The following MSRA variants were observed in gnomAD, a reference collection of about 807,000 sequenced individuals.
MSRA encodes methionine sulfoxide reductase A, also known as mitochondrial peptide methionine sulfoxide reductase.
Under a neutral mutation model 31.3 loss-of-function variants are expected in MSRA, and 54 were observed. The ratio of observed to expected loss-of-function variants is 1.73; its 90% CI spans 1.39 to 2.17. The LOEUF is 2.17. Among genes scored for constraint, MSRA ranks in the 30% most tolerant of loss-of-function variants. The pLI is 0.00. For missense variants in MSRA, 507 were observed against 300.9 expected, an observed-to-expected ratio of 1.69 and a Z score of -5.07; for synonymous variants, 169 against 116.5, an observed-to-expected ratio of 1.45 and a Z score of -2.90.
chr8:10,364,085 A>G (rs1339633737), intron 5 of MSRA, among the ~76,000 whole-genome samples: 2 of 152,190 alleles, frequency 1.3e-5, no homozygotes, highest in Non-Finnish European at 2.9e-5. Context: ...GATTATTTAA[A>G]AACCTAGAGA....
chr8:10,100,968 C>T (rs1799493603), intron 1 of MSRA, among the ~76,000 whole-genome samples: 1 of 152,196 alleles, frequency 6.6e-6, no homozygotes, highest in South Asian at 2.1e-4. Flanking sequence ...ATTTATATCT[C>T]TTTTCCTATT....
rs537973144 is a variant in MSRA, at chr8:10,055,222, G to A, written c.142+564G>A. Among the ~76,000 whole-genome samples the A allele has an allele frequency of 2.5e-3, 378 of 152,302 alleles. 3 individuals carry two copies. The highest frequency in any genetic ancestry group is 7.9e-3 in the African/African-American group (330 of 41,560). The stretch of plus-strand genomic sequence containing the variant: ...CCTAGGTCGGCCCCGCTGTCCCCAG[G>A]GGCAGGGGCTGCCGTATGCTGGGTC... On this transcript the variant is annotated intron_variant, in intron 1 of 5. Transcript: ENST00000317173.
chr8:10,091,451 C>A (rs1440368478), intron 1 of MSRA, among the ~76,000 whole-genome samples: 1 of 152,100 alleles, frequency 6.6e-6, no homozygotes, highest in Admixed American at 6.5e-5. Context: ...TATATATTTT[C>A]CTCGTTTATC....
chr8:10,426,936 C>T (rs556343861), intron 5 of MSRA, among the ~76,000 whole-genome samples: 1 of 152,318 alleles, frequency 6.6e-6, no homozygotes, highest in East Asian at 1.9e-4. Context: ...ACCCACCCGT[C>T]TTGGCGGGGA....
At chr8:10,117,051 C>A (rs182919611) in intron 1 of MSRA, among the ~76,000 whole-genome samples, 63 of 152,284 alleles carry the variant, frequency 4.1e-4, no homozygotes, top group African/African-American at 1.0e-3. Context: ...GTGAAGGGAG[C>A]TGAAAATCCA....
At chr8:10,180,447 T>A (rs192604205) in intron 1 of MSRA, among the ~76,000 whole-genome samples, 1 of 152,218 alleles carries the variant, frequency 6.6e-6, no homozygotes, top group Non-Finnish European at 1.5e-5. Context: ...GTAGGAGTGA[T>A]TGATTAAATC....
intron 5 of MSRA, among the ~76,000 whole-genome samples, chr8:10,355,335 G>C (rs1374916170): frequency 6.6e-6 from 1 of 152,232 alleles, no homozygotes; most frequent in Non-Finnish European, 1.5e-5. Flanking sequence ...CGGGATTTTT[G>C]ATGGAAGCTT....
chr8:10,211,615 A>G (rs1212035864), intron 2 of MSRA, among the ~76,000 whole-genome samples: 1 of 152,076 alleles, frequency 6.6e-6, no homozygotes, highest in Non-Finnish European at 1.5e-5. Flanking sequence ...TGATCTTTAG[A>G]GCGCCCGCCC....
chr8:10,285,076 G>C (rs140140518), intron 3 of MSRA, among the ~76,000 whole-genome samples: 2 of 149,574 alleles, frequency 1.3e-5, no homozygotes, highest in Non-Finnish European at 3.0e-5. Context: ...ATTACTAACA[G>C]CCATTTTTAA....
chr8:10,191,116 C>G lies in MSRA; in HGVS notation c.143-16717C>G, dbSNP rs190892891. 2.0e-5 allele frequency among the ~76,000 whole-genome samples: 3 copies of G among 152,250 alleles called. No homozygotes were observed. In the East Asian group the frequency reaches 5.8e-4, roughly 29 times the overall value. On this transcript the variant is annotated intron_variant, in intron 1 of 5. Coordinates refer to ENST00000317173, the MANE Select transcript of MSRA (RefSeq NM_012331.5). The stretch of plus-strand genomic sequence containing the variant: ...GCTGCTTATGGATGAAGTATCTAGG[C>G]TAATAAATCACCTAGCTTAATAGCA...
intron 2 of MSRA, among the ~76,000 whole-genome samples, chr8:10,219,564 C>T (rs1810296774): frequency 1.3e-5 from 2 of 151,996 alleles, no homozygotes; most frequent in African/African-American, 4.8e-5. Context: ...AATCCCAGCA[C>T]TTTGGGAGGC....
intron 2 of MSRA, among the ~76,000 whole-genome samples, chr8:10,230,848 G>T (rs1811409496): frequency 1.3e-5 from 2 of 152,128 alleles, no homozygotes; most frequent in Admixed American, 6.5e-5. Context: ...ATAATGGCGT[G>T]ATTTTGGCTC....
intron 5 of MSRA, among the ~76,000 whole-genome samples, chr8:10,385,871 C>G (rs7824653): frequency 0.69 from 104,021 of 151,400 alleles, 36,651 homozygotes; most frequent in Non-Finnish European, 0.74. Flanking sequence ...GGAGAGAGCC[C>G]AGGAAGAGGA....
chr8:10,122,791 G>T lies in MSRA; in HGVS notation c.142+68133G>T, dbSNP rs989206851. 4.6e-5 allele frequency among the ~76,000 whole-genome samples: 7 copies of T among 152,042 alleles called. No homozygotes were observed. In the South Asian group the frequency reaches 6.2e-4, roughly 14 times the overall value. On this transcript the variant is annotated intron_variant, in intron 1 of 5. Coordinates refer to ENST00000317173, the MANE Select transcript of MSRA (RefSeq NM_012331.5). ...TCTAAGTAAAAACATGAGGTATTTG[G>T]TTTCCTGTTCCTGTGTTAGTTTGCT...
At chr8:10,264,380 AGTT>A (rs1798636240) in intron 3 of MSRA, among the ~76,000 whole-genome samples, 1 of 152,288 alleles carries the variant, frequency 6.6e-6, no homozygotes. Flanking sequence ...ATATGCACAT[AGTT>A]TTAAATGATT....
At chr8:10,382,327 C>G (rs1377274068) in intron 5 of MSRA, among the ~76,000 whole-genome samples, 1 of 152,202 alleles carries the variant, frequency 6.6e-6, no homozygotes, top group Non-Finnish European at 1.5e-5. Flanking sequence ...TCTCTTGAAT[C>G]TTTAGGAGGA....
chr8:10,143,480 G>C (rs970728879), intron 1 of MSRA, among the ~76,000 whole-genome samples: 6 of 152,106 alleles, frequency 3.9e-5, no homozygotes, highest in Admixed American at 2.6e-4. Context: ...AGGATTTGTC[G>C]TTATTCCCCT....
chr8:10,190,986 C>G (rs571888817), intron 1 of MSRA, among the ~76,000 whole-genome samples: 3 of 152,156 alleles, frequency 2.0e-5, no homozygotes, highest in African/African-American at 7.2e-5. Flanking sequence ...CATTAGTTTT[C>G]TGGTGTCTCA....
At chr8:10,194,613 T>G (rs934703560) in intron 1 of MSRA, among the ~76,000 whole-genome samples, 1 of 152,212 alleles carries the variant, frequency 6.6e-6, no homozygotes, top group African/African-American at 2.4e-5. Context: ...CAGCCCAATT[T>G]TGTAGAGGAA....
Sources: allele counts gnomAD v4.1 joint callset (sites outside exome capture counted in the v4.1 genomes callset), GRCh38; gene constraint gnomAD v4.1.1; transcripts MANE v1.5; gene names NCBI Gene and HGNC (gene_info 2026-07-23, HGNC 2026-07-21).